Variants in UBE2Q1 observed in about 807,000 individuals in gnomAD.
UBE2Q1 encodes ubiquitin-conjugating enzyme E2 Q1.
UBE2Q1 carries 6 observed loss-of-function variants against 60.1 expected under a neutral mutation model. The observed-to-expected ratio is 0.10, with a 90% CI of 0.05 to 0.20. The LOEUF (loss-of-function observed/expected upper bound fraction) is 0.20. UBE2Q1 is among the 10% of genes least tolerant of loss of function. The pLI, the probability that UBE2Q1 is intolerant of heterozygous loss-of-function variation, is 1.00. For missense variants in UBE2Q1, 262 were observed against 525.8 expected, an observed-to-expected ratio of 0.50 and a Z score of 4.91; for synonymous variants, 226 against 208.3, an observed-to-expected ratio of 1.09 and a Z score of -0.73.
intron 3 of UBE2Q1, among the ~76,000 whole-genome samples, chr1:154,555,206 G>A (rs1695862165): frequency 6.6e-6 from 1 of 152,210 alleles, no homozygotes. Context: ...CTGGGATGCT[G>A]CCCATGAGAA....
intron 4 of UBE2Q1, among the ~76,000 whole-genome samples, chr1:154,554,484 T>G (rs138095324): frequency 3.2e-4 from 49 of 152,338 alleles, no homozygotes; most frequent in East Asian, 2.5e-3. Context: ...CACAGGTTTG[T>G]TGGACTCCAA....
intron 8 of UBE2Q1, 53 bp from the exon 9 acceptor site, chr1:154,552,032 G>C: frequency 6.2e-7 from 1 of 1,613,860 alleles, no homozygotes; most frequent in Non-Finnish European, 8.5e-7. Flanking sequence ...TCCTCCACAG[G>C]ACTGTCAGGC....
chr1:154,553,006 C>T, intron 5 of UBE2Q1, 26 bp downstream of exon 5: 1 of 1,612,180 alleles, frequency 6.2e-7, no homozygotes, highest in Non-Finnish European at 8.5e-7. Flanking sequence ...AACCCCTTCA[C>T]CAGCCTCTCT....
Position 154,558,537 on chromosome 1 carries a change from G to A in UBE2Q1, c.17C>T (p.Pro6Leu). 3.7e-6 allele frequency: 4 copies of A among 1,079,808 alleles called. No individual in the cohort carries two copies. The highest frequency in any genetic ancestry group is 4.4e-6 in the Non-Finnish European group (4 of 902,626). The allele number at this position is 1,079,808 out of a possible 1,614,324, so 66.9% of individuals were successfully genotyped here. A position where few individuals can be genotyped will look rare whatever the true frequency, so the allele number is the denominator to read the frequency against. MQQPQ[P>L]QGQQQPGPGQ... ...CGGCCCCGGCTGCTGCTGCCCCTGC[G>A]GCTGCGGCTGCTGCATCCTCCGCTC... The change falls in exon 1 of 13, where the codon CCG becomes CTG. Residue 6 changes from proline (P) to leucine (L), a missense_variant. Coordinates refer to ENST00000292211, the MANE Select transcript of UBE2Q1 (RefSeq NM_017582.7).
At chr1:154,555,206 G>GC (rs1466515380) in intron 3 of UBE2Q1, among the ~76,000 whole-genome samples, 1 of 152,210 alleles carries the variant, frequency 6.6e-6, no homozygotes, top group Non-Finnish European at 1.5e-5. Flanking sequence ...CTGGGATGCT[G>GC]CCCATGAGAA....
rs1202475689 is a variant in UBE2Q1, at chr1:154,550,868, T to C, written c.1237+70A>G. On this transcript the variant is annotated intron_variant, in intron 12 of 12. Transcript: ENST00000292211. Reference sequence around the variant, plus strand: ...AGAAACCAAAAGAAGGGGTTCTTGCTCTGTGGCTGGAAGTGAAAACCTGGG... The same window carrying C: ...AGAAACCAAAAGAAGGGGTTCTTGCCCTGTGGCTGGAAGTGAAAACCTGGG... 3 of 1,613,074 alleles carry C rather than the reference T, an allele frequency of 1.9e-6. No homozygotes were observed. In the East Asian group the frequency reaches 6.7e-5, roughly 36 times the overall value.
rs1557847021 is a variant in UBE2Q1, at chr1:154,558,582, C to CG, written c.-30dup. ...CCGCTCCGCTCCGCTCCGGGGCCGG[C>CG]GGGCCGGGAGCCTCCGGCCTGCGCT... On this transcript the variant is annotated 5_prime_UTR_variant, in exon 1 of 13. Transcript: ENST00000292211. 3 of 1,015,424 alleles carry CG rather than the reference C, an allele frequency of 3.0e-6. No individual in the cohort carries two copies. In the African/African-American group the frequency reaches 5.3e-5, roughly 18 times the overall value. The allele number at this position is 1,015,424 out of a possible 1,614,324, so 62.9% of individuals were successfully genotyped here.
At chr1:154,554,654 A>G in intron 4 of UBE2Q1, 81 bp downstream of exon 4, 1 of 1,409,248 alleles carries the variant, frequency 7.1e-7, no homozygotes, top group Non-Finnish European at 9.9e-7. Flanking sequence ...CTCCAGTTTT[A>G]GACTGGAGTT....
chr1:154,555,616 C>T, intron 2 of UBE2Q1, 84 bp from the exon 3 acceptor site: 4 of 1,302,440 alleles, frequency 3.1e-6, no homozygotes, highest in African/African-American at 1.4e-5. Context: ...AGTTTGGGCC[C>T]CACACCAATA....
chr1:154,552,138 T>G lies in UBE2Q1; in HGVS notation c.921A>C (p.Lys307Asn), dbSNP rs200026897. Residue 307 changes from lysine to asparagine, a missense_variant, in exon 8 of 13, where the codon AAA (lysine) becomes AAC (asparagine). By Grantham distance (94) the Lys-to-Asn change is moderately conservative. This residue lies in a region of UBE2Q1 where 111 missense variants were observed against 266.8 expected (regional missense o/e 0.42). Transcript: ENST00000292211. ...SALHNDLQIL[K>N]EKEGADFILL... ...GAATGAAGTCGGCTCCTTCTTTCTC[T>G]TTGAGGATCTGGAGATCGTTGTGCA... 6.2e-7 allele frequency: 1 copy of G among 1,614,238 alleles called. No homozygotes were observed. Among genetic ancestry groups the G allele is most frequent in the African/African-American group, 1.3e-5 (1 of 75,056 alleles).
Position 154,558,563 on chromosome 1 carries a change from C to G in UBE2Q1, c.-10G>C. The G allele has an allele frequency of 1.4e-5, 15 of 1,040,484 alleles. No individual in the cohort carries two copies. Among genetic ancestry groups the G allele is most frequent in the Non-Finnish European group, 1.7e-5 (15 of 870,300 alleles). The allele number at this position is 1,040,484 out of a possible 1,614,324, so 64.5% of individuals were successfully genotyped here. On this transcript the variant is annotated 5_prime_UTR_variant, in exon 1 of 13. Coordinates refer to ENST00000292211, the MANE Select transcript of UBE2Q1 (RefSeq NM_017582.7). ...GCTGCGGCTGCTGCATCCTCCGCTC[C>G]GCTCCGCTCCGGGGCCGGCGGGCCG...
intron 1 of UBE2Q1, among the ~76,000 whole-genome samples, chr1:154,556,739 G>T (rs936060798): frequency 3.9e-5 from 6 of 152,308 alleles, no homozygotes; most frequent in African/African-American, 1.4e-4. Flanking sequence ...TAGCCATGGG[G>T]AGTCTGGCTG....
chr1:154,555,737 G>A (rs1039999439), intron 2 of UBE2Q1, 123 bp downstream of exon 2: 29 of 984,080 alleles, frequency 2.9e-5, no homozygotes, highest in South Asian at 1.3e-4. Flanking sequence ...CAACTCCCCC[G>A]AGAGGTCATC....
rs1191555387 is a variant in UBE2Q1, at chr1:154,558,267, G to A, written c.287C>T (p.Ser96Leu). 2 of 1,567,706 alleles carry A rather than the reference G, an allele frequency of 1.3e-6. No individual in the cohort carries two copies. The highest frequency in any genetic ancestry group is 1.2e-5 in the South Asian group (1 of 86,484). The change falls in exon 1 of 13, where the codon TCG (serine) becomes TTG (leucine). Residue 96 changes from serine (S) to leucine (L), a missense_variant. Ser to Leu is a moderately radical substitution (Grantham distance 145, BLOSUM62 -2). Coordinates refer to ENST00000292211, the MANE Select transcript of UBE2Q1 (RefSeq NM_017582.7). ...GATGCGGACAGGATCCCCAGGCACC[G>A]ACCCCCGTGGGGGGAGATGCGGTCC... ...APGPHLPPRG[S>L]VPGDPVRIHC...
Position 154,549,283 on chromosome 1 carries a change from C to CT in UBE2Q1, c.*1154dup, listed in dbSNP as rs1472386633. On this transcript the variant is annotated 3_prime_UTR_variant, in exon 13 of 13. Coordinates refer to ENST00000292211, the MANE Select transcript of UBE2Q1 (RefSeq NM_017582.7). ...CTTCCCTCCCTGGCAGTTCCTGAGC[C>CT]TGGGGTAAGGACACAGGTGTATAGA... The CT allele has an allele frequency of 1.3e-5, 2 of 152,324 alleles. No homozygotes were observed. Among genetic ancestry groups the CT allele is most frequent in the African/African-American group, 4.8e-5 (2 of 41,466 alleles). The allele number at this position is 152,324 out of a possible 1,614,324, so 9.4% of individuals were successfully genotyped here.
chr1:154,553,492 T>C (rs1036818998), intron 4 of UBE2Q1: 27 of 224,948 alleles, frequency 1.2e-4, no homozygotes, highest in African/African-American at 6.1e-4. Context: ...TAAAACTCCC[T>C]TGGCAGCAGA....
At chr1:154,551,230 C>A in intron 11 of UBE2Q1, 167 bp downstream of exon 11, 1 of 846,676 alleles carries the variant, frequency 1.2e-6, no homozygotes, top group Non-Finnish European at 1.8e-6. Context: ...CCCCTAGGGG[C>A]CAAGGCACAG....
At chr1:154,552,290 C>T (rs1228366782) in intron 7 of UBE2Q1, 107 bp from the exon 8 acceptor site, 24 of 1,588,114 alleles carry the variant, frequency 1.5e-5, no homozygotes, top group Middle Eastern at 1.7e-4. Flanking sequence ...TGCCCACACC[C>T]GCTCCGGGAC....
rs374327419 is a variant in UBE2Q1, at chr1:154,550,406, C to A, written c.*32G>T. On this transcript the variant is annotated 3_prime_UTR_variant, in exon 13 of 13. Transcript: ENST00000292211. ...TTCAAAGGTAATTGGTCCAGTGGTG[C>A]CTGGGGAGGGAGGAAGGGTGATACT... is the stretch of plus-strand genomic sequence containing the variant. The A allele has an allele frequency of 1.9e-6, 3 of 1,613,544 alleles. No individual in the cohort carries two copies. The African/African-American group carries it at 4.0e-5, about 22-fold the overall frequency.
Sources: allele counts gnomAD v4.1 joint callset (sites outside exome capture counted in the v4.1 genomes callset), GRCh38; gene constraint gnomAD v4.1.1; regional missense constraint gnomAD v4.1.1; transcripts MANE v1.5; gene names NCBI Gene and HGNC (gene_info 2026-07-23, HGNC 2026-07-21).